Variants in MED23 observed in about 807,000 individuals in gnomAD.
The protein encoded by MED23 is mediator complex subunit 23, also known as mediator of RNA polymerase II transcription subunit 23.
In MED23, 105 loss-of-function variants were observed where a neutral mutation model predicts 163.9. The ratio of observed to expected loss-of-function variants is 0.64; its 90% CI spans 0.55 to 0.75. The LOEUF is 0.75. MED23 is among the 30% of genes least tolerant of loss of function. MED23 has a pLI of 0.00. For synonymous variants in MED23, 561 were observed against 565.6 expected (o/e 0.99, Z 0.12); for missense variants, 1,054 against 1,649.0 (o/e 0.64, Z 6.25).
At chr6:131,623,239 A>G (rs1016124885) in intron 5 of MED23, 112 bp downstream of exon 5, 2 of 899,992 alleles carry the variant, frequency 2.2e-6, no homozygotes, top group African/African-American at 3.3e-5. Context: ...CAAGAAATAG[A>G]CAGATTTTGT....
In MED23 at chr6:131,578,920, T is replaced by C. The variant is rs144544360; in HGVS notation, c.4096-4625A>G. Among the ~76,000 whole-genome samples, 627 of 152,272 alleles carry C rather than the reference T, an allele frequency of 4.1e-3. 2 individuals carry two copies. Among genetic ancestry groups the C allele is most frequent in the South Asian group, 0.018 (87 of 4,826 alleles). On this transcript the variant is annotated intron_variant, in intron 30 of 30. Coordinates refer to the MED23 transcript ENST00000354577. ...AGCCCAGTATACAGCCGCACCAGTG[T>C]GTGATACTGGTAACATGACGTCAAG...
Position 131,623,448 on chromosome 6 carries a change from G to T in MED23, c.299C>A (p.Ser100Tyr), listed in dbSNP as rs752075407. ...GLLPPRLVCE[S>Y]LINSDTLEWE... ...CTCAAGAGTGTCAGAGTTTATCAGG[G>T]ATTCACAAACCAGCCTATAAAAAAA... Residue 100 changes from serine to tyrosine, a missense_variant, in exon 5 of 29, where the codon TCC becomes TAC. Physicochemically the swap from Ser to Tyr is moderately radical, Grantham distance 144. Transcript: ENST00000368068. 2 of 1,613,886 alleles carry T rather than the reference G, an allele frequency of 1.2e-6. No individual in the cohort carries two copies. Among genetic ancestry groups the T allele is most frequent in the Non-Finnish European group, 8.5e-7 (1 of 1,179,886 alleles).
chr6:131,576,804 T>A, intron 30 of MED23: 1 of 1,373,030 alleles, frequency 7.3e-7, no homozygotes, highest in South Asian at 1.2e-5. Context: ...CAGGCCCCTG[T>A]GAACCTGGAG....
At chr6:131,606,711 A>T in intron 12 of MED23, 87 bp from the exon 13 acceptor site, 1 of 1,178,846 alleles carries the variant, frequency 8.5e-7, no homozygotes. Context: ...AATTTCTAAT[A>T]TAACTCTTTT....
chr6:131,609,309 T>C (rs1333178393), intron 11 of MED23, among the ~76,000 whole-genome samples: 1 of 152,158 alleles, frequency 6.6e-6, no homozygotes, highest in Non-Finnish European at 1.5e-5. Flanking sequence ...CTTTCCTGCC[T>C]TCCTTATCTC....
intron 6 of MED23, 97 bp from the exon 7 acceptor site, chr6:131,620,826 G>A (rs1777045724): frequency 1.2e-5 from 8 of 679,516 alleles, no homozygotes; most frequent in Non-Finnish European, 1.7e-5. Context: ...TTTTGAGACA[G>A]GGTCTTGCTC....
rs1366864975 is a variant in MED23, at chr6:131,615,461, C to A, written c.876+446G>T. ...TCAAGGAACCCAGAGTCAGCACAAA[C>A]CCTCCCACATGTTAAACCACCAAAA... On this transcript the variant is annotated intron_variant, in intron 10 of 28. Transcript: ENST00000368068. 7.7e-6 allele frequency: 5 copies of A among 650,404 alleles called. No homozygotes were observed. The African/African-American group carries it at 7.9e-5, about 10-fold the overall frequency. The allele number at this position is 650,404 out of a possible 1,614,324, so 40.3% of individuals were successfully genotyped here. A position where few individuals can be genotyped will look rare whatever the true frequency, so the allele number is the denominator to read the frequency against.
chr6:131,593,255 G>C, intron 23 of MED23, 84 bp from the exon 24 acceptor site: 1 of 1,535,920 alleles, frequency 6.5e-7, no homozygotes. Context: ...GAAGTGATTT[G>C]TCTACGCTTA....
At chr6:131,623,526 C>G in intron 4 of MED23, 64 bp from the exon 5 acceptor site, 1 of 1,289,508 alleles carries the variant, frequency 7.8e-7, no homozygotes, top group East Asian at 2.3e-5. Context: ...CTAATAGCCG[C>G]CAATATGGTT....
chr6:131,588,593 C>T (rs898559076), intron 28 of MED23, among the ~76,000 whole-genome samples: 1 of 152,182 alleles, frequency 6.6e-6, no homozygotes, highest in East Asian at 1.9e-4. Flanking sequence ...CTCTTTCTTA[C>T]ATGAGAGAGA....
rs1305043795 is a variant in MED23, at chr6:131,587,838, C to A, written c.3948G>T (p.Lys1316Asn). 6.2e-7 allele frequency: 1 copy of A among 1,612,264 alleles called. No individual in the cohort carries two copies. The highest frequency in any genetic ancestry group is 8.5e-7 in the Non-Finnish European group (1 of 1,178,968). ...TGDSVKEQVE[K>N]IICNLKPALK... is the part of the protein sequence containing the mutation. ...AAGCTGGTTTTAAGTTACAGATAAT[C>A]TTCTCTACCTAAGAAATAAAAACAC... is the stretch of plus-strand genomic sequence containing the variant. Residue 1316 changes from lysine to asparagine, a missense_variant, in exon 29 of 29, where the codon AAG becomes AAT. Transcript: ENST00000368068.
Position 131,598,552 on chromosome 6 carries a change from T to A in MED23, c.2426+4A>T. The A allele has an allele frequency of 8.7e-6, 14 of 1,614,094 alleles. No individual in the cohort carries two copies. The highest frequency in any genetic ancestry group is 1.2e-5 in the Non-Finnish European group (14 of 1,179,994). Reference sequence around the variant, plus strand: ...ATGGAATGCAAATTAGGTTTTTGACTTACCTATAGCCAATCTGATTAATAT... The same window carrying A: ...ATGGAATGCAAATTAGGTTTTTGACATACCTATAGCCAATCTGATTAATAT... On this transcript the variant is annotated splice_donor_region_variant and intron_variant, in intron 19 of 28. Transcript: ENST00000368068. The surrounding 1 kb of genome is among the most constrained non-coding windows in gnomAD (Gnocchi z 4.7).
intron 23 of MED23, 81 bp from the exon 24 acceptor site, chr6:131,593,252 T>A (rs1305941713): frequency 1.3e-5 from 20 of 1,547,520 alleles, no homozygotes; most frequent in Non-Finnish European, 1.8e-5. Context: ...CAAGAAGTGA[T>A]TTGTCTACGC....
In MED23 at chr6:131,587,745, G is replaced by A. The variant is rs1448545176; in HGVS notation, c.4041C>T (p.Ala1347=). The change falls in exon 29 of 29, where the codon GCC becomes GCT. Residue 1347 remains alanine (A), a synonymous_variant. Transcript: ENST00000368068. ...KMEPAAVPPQ[A]MNSGSPAPQS... is the part of the protein sequence containing the mutation. Reference sequence around the variant, plus strand: ...GAGGTGCTGGAGACCCACTGTTCATGGCTTGTGGAGGCACTGCAGCTGGCT... The same window carrying A: ...GAGGTGCTGGAGACCCACTGTTCATAGCTTGTGGAGGCACTGCAGCTGGCT... 1.9e-6 allele frequency: 3 copies of A among 1,614,028 alleles called. No homozygotes were observed. Among genetic ancestry groups the A allele is most frequent in the Non-Finnish European group, 2.5e-6 (3 of 1,180,012 alleles).
At position 131,598,907 on chromosome 6, in the gene MED23, T is replaced by A. The variant is rs1309340601; in HGVS notation, c.2221-146A>T. On this transcript the variant is annotated intron_variant, in intron 18 of 28. Transcript: ENST00000368068. This position sits in a 1 kb window ranked among gnomAD's most constrained non-coding sequence, Gnocchi z 4.7. ...ACTCAGCAATTAAGGCCTGAATTTC[T>A]GTGTCTGGAAAATACATAAGCTTGA... 6 of 713,132 alleles carry A rather than the reference T, an allele frequency of 8.4e-6. No homozygotes were observed. The highest frequency in any genetic ancestry group is 7.6e-4 in the Middle Eastern group (2 of 2,636). The allele number at this position is 713,132 out of a possible 1,614,324, so 44.2% of individuals were successfully genotyped here. A position where few individuals can be genotyped will look rare whatever the true frequency, so the allele number is the denominator to read the frequency against.
At chr6:131,624,222 T>A (rs542173920) in intron 4 of MED23, among the ~76,000 whole-genome samples, 1 of 152,318 alleles carries the variant, frequency 6.6e-6, no homozygotes, top group South Asian at 2.1e-4. Context: ...ACTCCTTAGA[T>A]CTGGGCAGAC....
At chr6:131,624,605 A>G (rs1413222059) in intron 4 of MED23, among the ~76,000 whole-genome samples, 1 of 152,240 alleles carries the variant, frequency 6.6e-6, no homozygotes, top group Non-Finnish European at 1.5e-5. Flanking sequence ...TTGTGCAGCA[A>G]AAGTAAAGGG....
At chr6:131,613,216 G>A (rs1776406241) in intron 10 of MED23, among the ~76,000 whole-genome samples, 1 of 152,096 alleles carries the variant, frequency 6.6e-6, no homozygotes, top group Admixed American at 6.6e-5. Context: ...CTTGAGGAGT[G>A]TATCTGTTTT....
intron 23 of MED23, among the ~76,000 whole-genome samples, chr6:131,593,572 T>C (rs1320688697): frequency 6.6e-6 from 1 of 152,192 alleles, no homozygotes; most frequent in Non-Finnish European, 1.5e-5. Flanking sequence ...ATTTCTTACC[T>C]AGTAAAATAG....
Sources: allele counts gnomAD v4.1 joint callset (sites outside exome capture counted in the v4.1 genomes callset), GRCh38; gene constraint gnomAD v4.1.1; non-coding constraint Gnocchi (gnomAD v3.1); transcripts MANE v1.5; gene names NCBI Gene and HGNC (gene_info 2026-07-23, HGNC 2026-07-21).